WIPF3: variants seen among roughly 807,000 people sequenced by gnomAD.
The protein encoded by WIPF3 is WAS/WASL-interacting protein family member 3.
WIPF3 carries 33 observed loss-of-function variants against 38.9 expected under a neutral mutation model. That is an observed-to-expected ratio of 0.85 (90% CI 0.64 to 1.14). WIPF3 has a LOEUF of 1.14. Ranked by LOEUF, WIPF3 falls within the 50% of genes most tolerant of loss-of-function variation. WIPF3 has a pLI of 0.00. For synonymous variants in WIPF3, 324 were observed against 269.3 expected, an observed-to-expected ratio of 1.20 and a Z score of -1.99; for missense variants, 711 against 652.5, an observed-to-expected ratio of 1.09 and a Z score of -0.98.
chr7:29,885,497 G>T (rs964630982), intron 5 of WIPF3, among the ~76,000 whole-genome samples: 14 of 152,210 alleles, frequency 9.2e-5, no homozygotes, highest in African/African-American at 3.4e-4. Context: ...ACGCAAGCTT[G>T]TTGCAGAGCT....
chr7:29,822,771 A>C (rs930256902), intron 1 of WIPF3, among the ~76,000 whole-genome samples: 23 of 152,356 alleles, frequency 1.5e-4, no homozygotes, highest in African/African-American at 4.8e-4. Flanking sequence ...TAGTTTTACC[A>C]AAGAAAATTT....
intron 7 of WIPF3, among the ~76,000 whole-genome samples, chr7:29,896,225 T>C (rs1786140598): frequency 6.7e-6 from 1 of 150,280 alleles, no homozygotes; most frequent in South Asian, 2.1e-4. Context: ...AGGAGAATCA[T>C]TTGAGCCCAG....
chr7:29,900,394 T>C (rs1317194679), intron 7 of WIPF3, among the ~76,000 whole-genome samples: 1 of 152,198 alleles, frequency 6.6e-6, no homozygotes, highest in East Asian at 1.9e-4. Context: ...GGAGAGAGAA[T>C]ATGATTAGCT....
At chr7:29,905,373 TG>T (rs1195892294) in intron 8 of WIPF3, 2 of 152,230 alleles carry the variant, frequency 1.3e-5, no homozygotes, top group African/African-American at 2.4e-5. Context: ...TCTGAGAAGA[TG>T]GCAGAGGAGA....
At chr7:29,837,335 A>G (rs1474655146) in intron 2 of WIPF3, among the ~76,000 whole-genome samples, 1 of 152,180 alleles carries the variant, frequency 6.6e-6, no homozygotes, top group Admixed American at 6.5e-5. Context: ...CAGCCTGGGC[A>G]ACAGAGTGAG....
intron 1 of WIPF3, among the ~76,000 whole-genome samples, chr7:29,832,489 C>G (rs965970772): frequency 6.6e-6 from 1 of 152,212 alleles, no homozygotes; most frequent in Admixed American, 6.5e-5. Context: ...GATCTCTGCT[C>G]AATTTTACTA....
At position 29,875,868 on chromosome 7, in the gene WIPF3, G is replaced by C; in HGVS notation, c.129G>C (p.Pro43=). The stretch of plus-strand genomic sequence containing the variant: ...CCTCCAGCTTGCGAAGGGCAGATCC[G>C]AAAGGCCGGAGTGCGCTGTTGGCTG... The part of the protein sequence containing the change: ...TDTSSLRRAD[P]KGRSALLADI... The change falls in exon 3 of 9, where the codon CCG becomes CCC. Residue 43 remains proline (P), a synonymous_variant. Coordinates refer to ENST00000242140, the MANE Select transcript of WIPF3 (RefSeq NM_001080529.3). 1.9e-6 allele frequency: 3 copies of C among 1,614,050 alleles called. No individual in the cohort carries two copies. Among genetic ancestry groups the C allele is most frequent in the Non-Finnish European group, 2.5e-6 (3 of 1,179,880 alleles).
At chr7:29,808,470 A>G (rs138119184) in intron 1 of WIPF3, among the ~76,000 whole-genome samples, 16 of 152,388 alleles carry the variant, frequency 1.0e-4, no homozygotes, top group Middle Eastern at 3.4e-3. Flanking sequence ...TCAGGGTAAC[A>G]GCCTGGGCAC....
chr7:29,916,211 A>AT lies in WIPF3; in HGVS notation c.*1695_*1696insT, dbSNP rs1786612059. The AT allele has an allele frequency of 6.6e-6, 1 of 152,208 alleles. No homozygotes were observed. Among genetic ancestry groups the AT allele is most frequent in the African/African-American group, 2.4e-5 (1 of 41,442 alleles). The allele number at this position is 152,208 out of a possible 1,614,324, so 9.4% of individuals were successfully genotyped here. On this transcript the variant is annotated 3_prime_UTR_variant, in exon 9 of 9. Coordinates refer to ENST00000242140, the MANE Select transcript of WIPF3 (RefSeq NM_001080529.3). ...AACTAATTTGTTTTATTGGTTCTGGAAGATTTCCAAAAAGCCAGAATTTAT... is the reference window on the plus strand; with the variant it reads ...AACTAATTTGTTTTATTGGTTCTGGATAGATTTCCAAAAAGCCAGAATTTAT...
chr7:29,826,235 G>A (rs1031772235), intron 1 of WIPF3, among the ~76,000 whole-genome samples: 9 of 152,146 alleles, frequency 5.9e-5, no homozygotes, highest in Non-Finnish European at 1.3e-4. Context: ...GCTTCAGTAG[G>A]TCTGTGTGGA....
chr7:29,821,505 C>G (rs766623627), intron 1 of WIPF3, among the ~76,000 whole-genome samples: 1 of 152,124 alleles, frequency 6.6e-6, no homozygotes, highest in Non-Finnish European at 1.5e-5. Context: ...TATTTCCAGG[C>G]TCATGAACTC....
At chr7:29,847,415 A>G (rs555298230) in intron 2 of WIPF3, among the ~76,000 whole-genome samples, 20 of 152,332 alleles carry the variant, frequency 1.3e-4, no homozygotes, top group African/African-American at 4.3e-4. Flanking sequence ...GTTAAAAATC[A>G]CTGAAAAGAG....
intron 1 of WIPF3, among the ~76,000 whole-genome samples, chr7:29,827,077 T>C (rs1243617633): frequency 1.3e-5 from 2 of 152,188 alleles, no homozygotes; most frequent in African/African-American, 2.4e-5. Flanking sequence ...GTAAGGGCTG[T>C]GTCAGGGCTA....
At chr7:29,889,508 ATGATTT>A in intron 7 of WIPF3, 101 bp downstream of exon 7, 1 of 858,324 alleles carries the variant, frequency 1.2e-6, no homozygotes, top group Non-Finnish European at 1.9e-6. Flanking sequence ...GGATGATGTC[ATGATTT>A]CACTGTACCA....
chr7:29,896,750 A>G (rs1007138646), intron 7 of WIPF3, among the ~76,000 whole-genome samples: 9 of 152,244 alleles, frequency 5.9e-5, no homozygotes, highest in African/African-American at 2.2e-4. Context: ...TGTATTTTAC[A>G]ACAATAAAAA....
intron 7 of WIPF3, among the ~76,000 whole-genome samples, chr7:29,902,859 GTT>G (rs11301925): frequency 2.4e-4 from 36 of 147,640 alleles, no homozygotes; most frequent in East Asian, 7.8e-4. Context: ...AAAAGAGCGT[GTT>G]TTTTTTTTTT....
In WIPF3 at chr7:29,901,843, A is replaced by G. The variant is rs10248191; in HGVS notation, c.1352-2443A>G. Among the ~76,000 whole-genome samples, 841 of 130,358 alleles carry G rather than the reference A, an allele frequency of 6.5e-3. 5 individuals are homozygous for G. The highest frequency in any genetic ancestry group is 9.7e-3 in the Non-Finnish European group (581 of 59,768). 85.5% of individuals were successfully genotyped at this position (130,358 alleles called of 152,430 possible). ...CCTGTCTCAAAAAAAAAAAAAAAAA[A>G]AAAAAAGAAAGAAAGAAAGAAAAGA... On this transcript the variant is annotated intron_variant, in intron 7 of 8. Transcript: ENST00000242140.
chr7:29,836,891 G>A (rs531319899), intron 2 of WIPF3, among the ~76,000 whole-genome samples: 1 of 152,286 alleles, frequency 6.6e-6, no homozygotes, highest in East Asian at 1.9e-4. Flanking sequence ...TCAGGAGGCT[G>A]TGGCAGGGAG....
intron 1 of WIPF3, among the ~76,000 whole-genome samples, chr7:29,822,404 G>T (rs1250688177): frequency 6.6e-6 from 1 of 152,172 alleles, no homozygotes; most frequent in Admixed American, 6.5e-5. Context: ...GCCGGTAGAG[G>T]TGGGTAGCTT....
Sources: gnomAD v4.1 joint callset for allele counts (sites outside exome capture counted in the v4.1 genomes callset) on GRCh38, gnomAD v4.1.1 for gene constraint, MANE v1.5 for transcripts, NCBI Gene and HGNC (gene_info 2026-07-23, HGNC 2026-07-21) for gene names.